The following STAG2 variants were observed in gnomAD, a reference collection of about 807,000 sequenced individuals.
STAG2 encodes cohesin subunit SA-2.
In STAG2, 14 loss-of-function variants were observed where a neutral mutation model predicts 108.1. That is an observed-to-expected ratio of 0.13 (90% CI 0.09 to 0.20). The LOEUF (loss-of-function observed/expected upper bound fraction) is 0.20. Ranked by LOEUF, STAG2 falls within the 10% of genes least tolerant of loss-of-function variation. The probability of loss-of-function intolerance (pLI) is 1.00; values close to 1 mark genes in which losing one functional copy is unlikely to be tolerated. For synonymous variants in STAG2, 307 were observed against 302.7 expected (o/e 1.01, Z -0.15); for missense variants, 440 against 940.9 (o/e 0.47, Z 6.96).
chrX:123,984,222 C>T (rs955300099), intron 1 of STAG2, among the ~76,000 whole-genome samples: 8 of 109,982 alleles, frequency 7.3e-5, no homozygotes, highest in Non-Finnish European at 1.5e-4. Flanking sequence ...AGGTGATTCG[C>T]TGGCCTCAGC....
intron 28 of STAG2, 45 bp from the exon 29 acceptor site, chrX:124,083,376 G>T: frequency 9.7e-7 from 1 of 1,031,281 alleles, no homozygotes; most frequent in Admixed American, 3.6e-5. Flanking sequence ...TTTTATTATA[G>T]TCCCTCAAAT....
Position 124,031,767 on chromosome X carries a change from A to G in STAG2, c.288+642A>G, listed in dbSNP as rs1282739944. On this transcript the variant is annotated intron_variant, in intron 5 of 34. Transcript: ENST00000371145. ...TTTTTTTGAGATGGAGTCTCACTCTATTGCCCAGGCTGGAGTGCAGTGGCA... is the reference window on the plus strand; with the variant it reads ...TTTTTTTGAGATGGAGTCTCACTCTGTTGCCCAGGCTGGAGTGCAGTGGCA... Among the ~76,000 whole-genome samples, 169 of 90,111 alleles carry G rather than the reference A, an allele frequency of 1.9e-3. 1 individual carries two copies. The highest frequency in any genetic ancestry group is 6.7e-3 in the African/African-American group (160 of 24,004). 78.3% of individuals were successfully genotyped at this position (90,111 alleles called of 115,157 possible). A position where few individuals can be genotyped will look rare whatever the true frequency, so the allele number is the denominator to read the frequency against.
chrX:124,099,038 AAAG>A (rs2059448535), intron 34 of STAG2, among the ~76,000 whole-genome samples: 2 of 112,147 alleles, frequency 1.8e-5, no homozygotes, highest in South Asian at 7.3e-4. Flanking sequence ...TTGGCACAGA[AAAG>A]AAAGTGTCAC....
At chrX:124,064,916 GT>G (rs938009737) in intron 20 of STAG2, among the ~76,000 whole-genome samples, 4 of 111,150 alleles carry the variant, frequency 3.6e-5, no homozygotes, top group African/African-American at 1.3e-4. Context: ...TTTACATTCA[GT>G]TTTTTTGATT....
chrX:124,092,502 A>G (rs2059276481), intron 32 of STAG2, among the ~76,000 whole-genome samples: 1 of 111,812 alleles, frequency 8.9e-6, no homozygotes, highest in African/African-American at 3.2e-5. Context: ...CTAAGATCCT[A>G]TATAGCATGT....
At position 124,025,892 on chromosome X, in the gene STAG2, AAAAACC is replaced by A. The variant is rs778053475; in HGVS notation, c.102_107del (p.Asn34_Gln35del). The A allele has an allele frequency of 8.4e-7, 1 of 1,191,203 alleles. No individual in the cohort carries two copies. Among genetic ancestry groups the A allele is most frequent in the Admixed American group, 2.3e-5 (1 of 44,189 alleles). ...CACAGATTTTGAAGATATCGAAGGA[AAAAACC>A]AAAAGCAAGGCAAAGGCAAAGTATG... On this transcript the variant is annotated inframe_deletion, in exon 4 of 35. Coordinates refer to ENST00000371145, the MANE Select transcript of STAG2 (RefSeq NM_001042750.2).
At chrX:124,045,670 A>G (rs1270887819) in intron 8 of STAG2, among the ~76,000 whole-genome samples, 3 of 111,503 alleles carry the variant, frequency 2.7e-5, no homozygotes, top group Non-Finnish European at 5.7e-5. Flanking sequence ...ATACTATGCC[A>G]CAGCAAGGGA....
intron 17 of STAG2, 22 bp from the exon 18 acceptor site, chrX:124,062,880 A>G: frequency 8.5e-7 from 1 of 1,169,861 alleles, no homozygotes; most frequent in Non-Finnish European, 1.2e-6. Context: ...TAATAAATAC[A>G]GAAGTCTTTC....
At chrX:123,961,917 G>A (rs2053881997) in intron 1 of STAG2, 61 bp downstream of exon 1, 1 of 112,668 alleles carries the variant, frequency 8.9e-6, no homozygotes, top group African/African-American at 3.2e-5. Flanking sequence ...GTTGGCCCCC[G>A]CGCGCAGACC....
chrX:124,033,993 T>C (rs1281049665), intron 5 of STAG2, among the ~76,000 whole-genome samples: 1 of 111,275 alleles, frequency 9.0e-6, no homozygotes, highest in East Asian at 2.8e-4. Flanking sequence ...ATCTATAGGC[T>C]CCACTTCTTA....
chrX:124,079,910 C>G (rs1464225468), intron 27 of STAG2, among the ~76,000 whole-genome samples: 1 of 106,954 alleles, frequency 9.3e-6, no homozygotes, highest in Non-Finnish European at 1.9e-5. Flanking sequence ...CACATTTATG[C>G]CATTAAATAA....
At chrX:124,022,715 C>A in intron 3 of STAG2, 44 bp downstream of exon 3, 2 of 924,580 alleles carry the variant, frequency 2.2e-6, no homozygotes, top group East Asian at 3.3e-5. Flanking sequence ...CTTGTTTATT[C>A]CACAAAATGG....
At chrX:123,997,199 G>C (rs1201405290) in intron 1 of STAG2, among the ~76,000 whole-genome samples, 1 of 111,831 alleles carries the variant, frequency 8.9e-6, no homozygotes, top group African/African-American at 3.2e-5. Flanking sequence ...AAATGGTTTT[G>C]GTTATTCTAA....
intron 2 of STAG2, among the ~76,000 whole-genome samples, chrX:124,022,043 G>A (rs1276634059): frequency 2.7e-5 from 3 of 110,495 alleles, no homozygotes; most frequent in Non-Finnish European, 5.7e-5. Context: ...TATTACTGTG[G>A]GGCTGCGAGT....
intron 1 of STAG2, among the ~76,000 whole-genome samples, chrX:124,003,082 C>G (rs981646475): frequency 2.0e-4 from 22 of 108,682 alleles, no homozygotes; most frequent in Non-Finnish European, 2.3e-4. Context: ...ATTCTCCTGC[C>G]TCAGCCTCCC....
At chrX:124,085,362 G>A (rs754568192) in intron 29 of STAG2, among the ~76,000 whole-genome samples, 14 of 111,539 alleles carry the variant, frequency 1.3e-4, no homozygotes, top group Non-Finnish European at 1.9e-4. Context: ...CTCTCTGCCA[G>A]TGAGTATATT....
intron 3 of STAG2, among the ~76,000 whole-genome samples, chrX:124,023,442 T>C (rs747807663): frequency 8.9e-6 from 1 of 111,785 alleles, no homozygotes; most frequent in South Asian, 3.7e-4. Context: ...TTTGATCATA[T>C]GTAGATTTTC....
At chrX:123,989,289 T>A (rs1031306393) in intron 1 of STAG2, among the ~76,000 whole-genome samples, 5 of 111,922 alleles carry the variant, frequency 4.5e-5, no homozygotes, top group African/African-American at 1.6e-4. Flanking sequence ...GTGAAAGATT[T>A]CATTTCTTCC....
intron 7 of STAG2, among the ~76,000 whole-genome samples, chrX:124,044,935 T>G (rs1436262578): frequency 9.0e-6 from 1 of 111,687 alleles, no homozygotes. Flanking sequence ...ATATTTTCAT[T>G]GATTAAAGTG....
Sources: gnomAD v4.1 joint callset for allele counts (sites outside exome capture counted in the v4.1 genomes callset) on GRCh38, gnomAD v4.1.1 for gene constraint, MANE v1.5 for transcripts, NCBI Gene and HGNC (gene_info 2026-07-23, HGNC 2026-07-21) for gene names.